GPC5: variants seen among roughly 807,000 people sequenced by gnomAD.
GPC5 encodes glypican-5.
Under a neutral mutation model 53.9 loss-of-function variants are expected in GPC5, and 47 were observed. That is an observed-to-expected ratio of 0.87 (90% CI 0.69 to 1.11). The LOEUF is 1.11. Ranked by LOEUF, GPC5 falls within the 50% of genes most tolerant of loss-of-function variation. GPC5 has a pLI of 0.00. For missense variants in GPC5, 748 were observed against 713.1 expected, an observed-to-expected ratio of 1.05 and a Z score of -0.56; for synonymous variants, 286 against 263.3, an observed-to-expected ratio of 1.09 and a Z score of -0.84.
chr13:92,401,301 CCT>C (rs1875547897), intron 7 of GPC5, among the ~76,000 whole-genome samples: 1 of 151,672 alleles, frequency 6.6e-6, no homozygotes. Context: ...AGTACTATGA[CCT>C]TTCCTGTGTA....
intron 7 of GPC5, among the ~76,000 whole-genome samples, chr13:92,682,330 G>C (rs1887136970): frequency 6.6e-6 from 1 of 152,186 alleles, no homozygotes; most frequent in Non-Finnish European, 1.5e-5. Context: ...ACTTTGAAGA[G>C]TATGTGTTTA....
At chr13:91,589,275 T>C (rs1374798326) in intron 2 of GPC5, among the ~76,000 whole-genome samples, 1 of 152,030 alleles carries the variant, frequency 6.6e-6, no homozygotes, top group Non-Finnish European at 1.5e-5. Context: ...TTTTAAGTAT[T>C]GTATATTTCT....
chr13:91,614,072 G>A (rs908982877), intron 2 of GPC5, among the ~76,000 whole-genome samples: 4 of 152,204 alleles, frequency 2.6e-5, no homozygotes, highest in Non-Finnish European at 4.4e-5. Context: ...AAAGAGATAT[G>A]CTGGATGTAG....
chr13:92,273,935 C>A (rs2042857553), intron 7 of GPC5, among the ~76,000 whole-genome samples: 2 of 152,152 alleles, frequency 1.3e-5, no homozygotes, highest in South Asian at 4.1e-4. Flanking sequence ...GACTGCCAAA[C>A]ATAGTCTAGA....
intron 3 of GPC5, among the ~76,000 whole-genome samples, chr13:91,696,154 A>G (rs886945067): frequency 3.9e-5 from 6 of 152,218 alleles, no homozygotes; most frequent in Non-Finnish European, 5.9e-5. Context: ...GAAGGCCCTA[A>G]GCAGACCTTG....
At chr13:92,378,976 T>C (rs1203746732) in intron 7 of GPC5, among the ~76,000 whole-genome samples, 1 of 152,202 alleles carries the variant, frequency 6.6e-6, no homozygotes, top group Non-Finnish European at 1.5e-5. Context: ...AGCCATATGA[T>C]ATGCAGTCAT....
chr13:91,838,934 T>C (rs2038753299), intron 5 of GPC5, among the ~76,000 whole-genome samples: 1 of 151,920 alleles, frequency 6.6e-6, no homozygotes, highest in African/African-American at 2.4e-5. Context: ...AATAGAGCCC[T>C]GAACCATGTT....
intron 3 of GPC5, among the ~76,000 whole-genome samples, chr13:91,725,953 T>C (rs1300884260): frequency 2.0e-5 from 3 of 152,178 alleles, no homozygotes; most frequent in African/African-American, 7.2e-5. Flanking sequence ...GCTTCTTTAT[T>C]TCAAACTGTT....
At chr13:92,124,626 G>A (rs919076567) in intron 6 of GPC5, among the ~76,000 whole-genome samples, 1 of 152,142 alleles carries the variant, frequency 6.6e-6, no homozygotes, top group Admixed American at 6.6e-5. Flanking sequence ...GTTCTGCAGA[G>A]TCAGACTTCT....
intron 6 of GPC5, among the ~76,000 whole-genome samples, chr13:92,049,332 T>C (rs1240306451): frequency 6.6e-6 from 1 of 152,140 alleles, no homozygotes; most frequent in Non-Finnish European, 1.5e-5. Context: ...TATCTGACCT[T>C]ATATAGTTTT....
At chr13:91,914,758 T>C (rs1459106209) in intron 6 of GPC5, among the ~76,000 whole-genome samples, 1 of 135,084 alleles carries the variant, frequency 7.4e-6, no homozygotes, top group East Asian at 2.3e-4. Context: ...ACAGGTAGTG[T>C]TTACACACAC....
chr13:92,321,637 AT>A, intron 7 of GPC5, among the ~76,000 whole-genome samples: 1 of 151,574 alleles, frequency 6.6e-6, no homozygotes, highest in East Asian at 1.9e-4. Flanking sequence ...ACATACATAC[AT>A]ACATACATAC....
chr13:91,420,282 GTAA>G (rs560608246), intron 1 of GPC5, among the ~76,000 whole-genome samples: 11 of 152,082 alleles, frequency 7.2e-5, no homozygotes, highest in Admixed American at 5.9e-4. Context: ...TTTTTGCCAT[GTAA>G]ATTATAAAAT....
chr13:92,527,279 GAAAA>G (rs1297989589), intron 7 of GPC5, among the ~76,000 whole-genome samples: 1 of 145,954 alleles, frequency 6.9e-6, no homozygotes, highest in South Asian at 2.2e-4. Context: ...AAGAAAGAAA[GAAAA>G]AGATCAACAG....
chr13:91,400,090 C>T (rs1876822554), intron 1 of GPC5, among the ~76,000 whole-genome samples: 1 of 152,128 alleles, frequency 6.6e-6, no homozygotes, highest in Non-Finnish European at 1.5e-5. Flanking sequence ...CTGTCAAACG[C>T]AATAGCAGGT....
intron 2 of GPC5, among the ~76,000 whole-genome samples, chr13:91,457,492 T>C (rs1005085517): frequency 9.2e-5 from 14 of 152,156 alleles, no homozygotes; most frequent in African/African-American, 3.4e-4. Flanking sequence ...CATGACAGCA[T>C]CTTGTTCTTC....
intron 7 of GPC5, among the ~76,000 whole-genome samples, chr13:92,477,224 A>G (rs1336934297): frequency 1.3e-5 from 2 of 152,104 alleles, no homozygotes; most frequent in Admixed American, 6.6e-5. Flanking sequence ...ACAAAAGTGG[A>G]GGGAAAGGGT....
At chr13:91,587,491 C>T (rs1453555885) in intron 2 of GPC5, among the ~76,000 whole-genome samples, 1 of 151,978 alleles carries the variant, frequency 6.6e-6, no homozygotes, top group Admixed American at 6.6e-5. Flanking sequence ...ACTGTTTTTT[C>T]ATTTAACCTT....
intron 7 of GPC5, among the ~76,000 whole-genome samples, chr13:92,656,307 C>T (rs569278152): frequency 1.3e-5 from 2 of 152,118 alleles, no homozygotes; most frequent in African/African-American, 2.4e-5. Context: ...AATGAAAAGA[C>T]ACAGTGAAAA....
Sources: gnomAD v4.1 joint callset for allele counts (sites outside exome capture counted in the v4.1 genomes callset) on GRCh38, gnomAD v4.1.1 for gene constraint, MANE v1.5 for transcripts, NCBI Gene and HGNC (gene_info 2026-07-23, HGNC 2026-07-21) for gene names.